The following FAM13B variants were observed in gnomAD, a reference collection of about 807,000 sequenced individuals.
The protein encoded by FAM13B is protein FAM13B.
In FAM13B, 60 loss-of-function variants were observed where a neutral mutation model predicts 117.3. The ratio of observed to expected loss-of-function variants is 0.51; its 90% CI spans 0.42 to 0.63. FAM13B has a LOEUF of 0.63. FAM13B is among the 30% of genes least tolerant of loss of function. The probability of loss-of-function intolerance (pLI) is 0.00; values close to 1 mark genes in which losing one functional copy is unlikely to be tolerated. For missense variants in FAM13B, 972 were observed against 1,091.9 expected, an observed-to-expected ratio of 0.89 and a Z score of 1.55; for synonymous variants, 332 against 356.1, an observed-to-expected ratio of 0.93 and a Z score of 0.76.
intron 1 of FAM13B, among the ~76,000 whole-genome samples, chr5:138,050,057 G>C (rs1791755034): frequency 6.6e-6 from 1 of 152,136 alleles, no homozygotes; most frequent in Non-Finnish European, 1.5e-5. Flanking sequence ...GGGATCGCTT[G>C]AGTCCACAAG....
At chr5:137,987,338 C>A (rs1777492692) in intron 9 of FAM13B, 123 bp downstream of exon 9, 9 of 861,988 alleles carry the variant, frequency 1.0e-5, no homozygotes, top group Non-Finnish European at 1.6e-5. Flanking sequence ...TACAAAGTCA[C>A]TTTTCACAAA....
In FAM13B at chr5:137,977,026, C is replaced by T. The variant is rs185385914; in HGVS notation, c.1179+8231G>A. Among the ~76,000 whole-genome samples, 733 of 152,230 alleles carry T rather than the reference C, an allele frequency of 4.8e-3. 6 individuals carry two copies. Among genetic ancestry groups the T allele is most frequent in the Non-Finnish European group, 5.8e-3 (397 of 68,028 alleles). On this transcript the variant is annotated intron_variant, in intron 10 of 23. Coordinates refer to ENST00000689681, the MANE Select transcript of FAM13B (RefSeq NM_001385994.1). ...TTTCAAAAGCAAATGGGAGAAATAT[C>T]GCTGAATTCTTTTTCTCAGCAAGGA...
At position 137,939,925 on chromosome 5, in the gene FAM13B, G is replaced by A. The variant is rs1561719101; in HGVS notation, c.*300C>T. The stretch of plus-strand genomic sequence containing the variant: ...TTTCCAAAGTTCTTGAAGTTGAAAG[G>A]ATAAAATTCCAGTCTTTTGCTAAAA... On this transcript the variant is annotated 3_prime_UTR_variant, in exon 24 of 24. Transcript: ENST00000689681. 3 of 1,339,746 alleles carry A rather than the reference G, an allele frequency of 2.2e-6. No homozygotes were observed. In the East Asian group the frequency reaches 8.5e-5, roughly 38 times the overall value. The allele number at this position is 1,339,746 out of a possible 1,614,324, so 83.0% of individuals were successfully genotyped here.
intron 4 of FAM13B, among the ~76,000 whole-genome samples, chr5:138,014,105 T>C (rs1322335187): frequency 6.6e-6 from 1 of 152,196 alleles, no homozygotes; most frequent in African/African-American, 2.4e-5. Context: ...GCTGGCTATT[T>C]TTTGAAGTTT....
chr5:137,939,961 G>A lies in FAM13B; in HGVS notation c.*264C>T, dbSNP rs111747998. ...AGTCTTTTGCTAAAAGGATGTATCT[G>A]TAGTACAAAACAATGAAGTAAACCA... On this transcript the variant is annotated 3_prime_UTR_variant, in exon 24 of 24. Coordinates refer to ENST00000689681, the MANE Select transcript of FAM13B (RefSeq NM_001385994.1). 3 of 1,487,526 alleles carry A rather than the reference G, an allele frequency of 2.0e-6. No homozygotes were observed. The African/African-American group carries it at 4.2e-5, about 21-fold the overall frequency. 92.1% of individuals were successfully genotyped at this position (1,487,526 alleles called of 1,614,324 possible).
Position 137,940,288 on chromosome 5 carries a change from A to G in FAM13B, c.2751T>C (p.Ile917=). The G allele has an allele frequency of 1.2e-6, 2 of 1,612,562 alleles. No individual in the cohort carries two copies. The highest frequency in any genetic ancestry group is 1.7e-6 in the Non-Finnish European group (2 of 1,178,628). Residue 917 remains isoleucine (I), a synonymous_variant, in exon 24 of 24, where the codon ATT becomes ATC. Transcript: ENST00000689681. ...VLEEYREYKK[I]KAKLRLLEVL... ...CTTCAAGAAGCCTAAGCTTGGCTTT[A>G]ATTTTCTTGTACTCTCTGTACTCCT...
intron 18 of FAM13B, among the ~76,000 whole-genome samples, chr5:137,947,839 C>T (rs564256186): frequency 6.6e-6 from 1 of 152,244 alleles, no homozygotes; most frequent in Admixed American, 6.5e-5. Context: ...CCCACCTCGG[C>T]CTCCCAAAGT....
At chr5:137,967,825 T>C (rs1770542368) in intron 10 of FAM13B, among the ~76,000 whole-genome samples, 1 of 152,028 alleles carries the variant, frequency 6.6e-6, no homozygotes, top group Non-Finnish European at 1.5e-5. Context: ...CCTGGGAGGC[T>C]GAGATTGCAG....
intron 1 of FAM13B, 36 bp from the exon 2 acceptor site, chr5:138,021,233 T>C (rs1681776396): frequency 8.2e-7 from 1 of 1,220,142 alleles, no homozygotes; most frequent in Admixed American, 4.2e-5. Context: ...ATTTCCCACA[T>C]CTTTAACTGT....
At chr5:137,963,739 C>T (rs891326832) in intron 10 of FAM13B, among the ~76,000 whole-genome samples, 2 of 152,178 alleles carry the variant, frequency 1.3e-5, no homozygotes, top group Non-Finnish European at 2.9e-5. Context: ...AGCACTATGG[C>T]ATGAGCTCCG....
upstream of FAM13B, chr5:138,036,787 G>T (rs1346605107): frequency 5.6e-6 from 2 of 355,220 alleles, no homozygotes; most frequent in Non-Finnish European, 1.1e-5. Flanking sequence ...TGTTGCTTCA[G>T]TTAAAACAGT....
chr5:138,016,301 T>A (rs141173315), intron 4 of FAM13B, among the ~76,000 whole-genome samples: 8 of 152,302 alleles, frequency 5.3e-5, no homozygotes, highest in Non-Finnish European at 1.2e-4. Context: ...TACATGATGC[T>A]GTCATAATTT....
chr5:137,965,105 A>C (rs927809860), intron 10 of FAM13B, among the ~76,000 whole-genome samples: 6 of 151,840 alleles, frequency 4.0e-5, no homozygotes, highest in Non-Finnish European at 5.9e-5. Context: ...GGAGGAGCAG[A>C]TTGCGGTGAG....
chr5:137,955,161 T>C lies in FAM13B; in HGVS notation c.1508-785A>G, dbSNP rs116374185. Among the ~76,000 whole-genome samples the C allele has an allele frequency of 6.4e-3, 980 of 152,292 alleles. 16 individuals carry two copies. The highest frequency in any genetic ancestry group is 0.023 in the African/African-American group (950 of 41,526). ...TTTAAAAGCCAAATGATGTCAGGTG[T>C]ATGACCTGTCCCTCACTGTCAAATA... is the stretch of plus-strand genomic sequence containing the variant. On this transcript the variant is annotated intron_variant, in intron 14 of 23. Transcript: ENST00000689681.
chr5:137,966,139 G>C (rs542383796), intron 10 of FAM13B, among the ~76,000 whole-genome samples: 4 of 151,796 alleles, frequency 2.6e-5, no homozygotes, highest in African/African-American at 9.7e-5. Flanking sequence ...TACTAGATAA[G>C]CTTATCCAAA....
chr5:138,015,538 A>G (rs912073759), intron 4 of FAM13B, among the ~76,000 whole-genome samples: 2 of 152,154 alleles, frequency 1.3e-5, no homozygotes, highest in Non-Finnish European at 2.9e-5. Flanking sequence ...CCCCATCTCT[A>G]CTAAAAATAC....
intron 1 of FAM13B, among the ~76,000 whole-genome samples, chr5:138,024,496 A>G (rs1787651974): frequency 6.6e-6 from 1 of 151,452 alleles, no homozygotes; most frequent in Non-Finnish European, 1.5e-5. Flanking sequence ...ACTTCCTACT[A>G]TTTTAGAGCC....
intron 1 of FAM13B, among the ~76,000 whole-genome samples, chr5:138,022,300 C>G (rs1786977228): frequency 6.6e-6 from 1 of 152,156 alleles, no homozygotes; most frequent in Admixed American, 6.5e-5. Flanking sequence ...AATATTTGGT[C>G]TCATCATCCT....
chr5:138,032,163 A>G (rs2151090835), intron 1 of FAM13B, among the ~76,000 whole-genome samples: 1 of 152,344 alleles, frequency 6.6e-6, no homozygotes, highest in Admixed American at 6.5e-5. Context: ...AACCTCATCT[A>G]GGAAACCAGG....
Sources: allele counts gnomAD v4.1 joint callset (sites outside exome capture counted in the v4.1 genomes callset), GRCh38; gene constraint gnomAD v4.1.1; transcripts MANE v1.5; gene names NCBI Gene and HGNC (gene_info 2026-07-23, HGNC 2026-07-21).